RHBDL3: variants seen among roughly 807,000 people sequenced by gnomAD.
RHBDL3 encodes the protein rhomboid-related protein 3.
Under a neutral mutation model 48.2 loss-of-function variants are expected in RHBDL3, and 28 were observed. The observed-to-expected ratio is 0.58, with a 90% CI of 0.43 to 0.80. The LOEUF (loss-of-function observed/expected upper bound fraction) is 0.80, where lower values mean the gene tolerates loss of function less well. Ranked by LOEUF, RHBDL3 falls within the 30% of genes least tolerant of loss-of-function variation. The pLI, the probability that RHBDL3 is intolerant of heterozygous loss-of-function variation, is 0.00. For missense variants in RHBDL3, 464 were observed against 542.7 expected, an observed-to-expected ratio of 0.85 and a Z score of 1.44; for synonymous variants, 208 against 232.3, an observed-to-expected ratio of 0.90 and a Z score of 0.95.
rs563403864 is a variant in RHBDL3 at position 32,288,982 on chromosome 17, C to T, written c.485C>T (p.Pro162Leu). The change falls in exon 4 of 9, where the codon CCA (proline) becomes CTA (leucine). Residue 162 changes from proline (P) to leucine (L), a missense_variant. Transcript: ENST00000269051. ...TATGACAGCTACACCTGCTGCCCCC[C>T]ACCCTGGTTCATGATCACAGTCACG... ...WYYDSYTCCP[P>L]PWFMITVTLL... 20 of 1,614,190 alleles carry T rather than the reference C, an allele frequency of 1.2e-5. No homozygotes were observed. The highest frequency in any genetic ancestry group is 1.7e-5 in the Admixed American group (1 of 60,030).
chr17:32,297,168 C>T (rs2040470336), intron 5 of RHBDL3, among the ~76,000 whole-genome samples: 1 of 151,402 alleles, frequency 6.6e-6, no homozygotes, highest in Admixed American at 6.6e-5. Flanking sequence ...ATAGCTCTTA[C>T]AAATAGAGCC....
chr17:32,305,537 C>A, intron 7 of RHBDL3, 96 bp downstream of exon 7: 1 of 855,074 alleles, frequency 1.2e-6, no homozygotes, highest in Non-Finnish European at 2.0e-6. Flanking sequence ...CACCAAAAAC[C>A]AGGCAGACCT....
chr17:32,304,430 G>A (rs2040660222), intron 6 of RHBDL3, among the ~76,000 whole-genome samples: 2 of 152,172 alleles, frequency 1.3e-5, no homozygotes, highest in Non-Finnish European at 2.9e-5. Context: ...GCAGGCTTTG[G>A]TCAAGAACAC....
chr17:32,284,391 G>T, intron 2 of RHBDL3: 1 of 388,598 alleles, frequency 2.6e-6, no homozygotes, highest in South Asian at 4.8e-5. Flanking sequence ...TCTCCATGGT[G>T]AGAGGAGGCG....
At chr17:32,291,827 C>T (rs1249645142) in intron 4 of RHBDL3, among the ~76,000 whole-genome samples, 5 of 146,802 alleles carry the variant, frequency 3.4e-5, no homozygotes, top group African/African-American at 1.3e-4. Context: ...GCTGGAATGC[C>T]GTGGCGCAAT....
At chr17:32,309,762 C>A (rs1170504590) in intron 7 of RHBDL3, among the ~76,000 whole-genome samples, 1 of 143,540 alleles carries the variant, frequency 7.0e-6, no homozygotes, top group African/African-American at 2.6e-5. Context: ...GCCCTATAAT[C>A]AAGACTTCTT....
chr17:32,270,406 A>G (rs529624828), intron 2 of RHBDL3, among the ~76,000 whole-genome samples: 7 of 151,918 alleles, frequency 4.6e-5, no homozygotes, highest in African/African-American at 7.2e-5. Flanking sequence ...CAGTCCCTCC[A>G]TAATGTCTGG....
In RHBDL3 at chr17:32,279,519, C is replaced by T. The variant is rs1307882917; in HGVS notation, c.136-5140C>T. Among the ~76,000 whole-genome samples the T allele has an allele frequency of 2.0e-5, 3 of 152,178 alleles. No homozygotes were observed. The East Asian group carries it at 5.8e-4, about 29-fold the overall frequency. On this transcript the variant is annotated intron_variant, in intron 2 of 8. Transcript: ENST00000269051. ...CCCTCTCCCCAGTGTTGCCAGGCCC[C>T]TCTGACAGCACAGACCCAAATGACC...
chr17:32,296,331 C>CTTTTTTTTT (rs5819975), intron 5 of RHBDL3, among the ~76,000 whole-genome samples: 2 of 83,782 alleles, frequency 2.4e-5, no homozygotes, highest in Non-Finnish European at 4.7e-5. Context: ...GAATAGGTCT[C>CTTTTTTTTT]TTTTTTTTTT....
chr17:32,312,761 G>A (rs547937104), intron 7 of RHBDL3, among the ~76,000 whole-genome samples: 22 of 151,958 alleles, frequency 1.4e-4, no homozygotes, highest in Non-Finnish European at 2.6e-4. Context: ...CAAGTGATCC[G>A]CCTGCGTCAG....
chr17:32,279,713 C>T (rs1024833191), intron 2 of RHBDL3, among the ~76,000 whole-genome samples: 4 of 152,110 alleles, frequency 2.6e-5, no homozygotes, highest in Admixed American at 6.5e-5. Context: ...CTTATGTGCA[C>T]GGGGTGGGTG....
intron 4 of RHBDL3, among the ~76,000 whole-genome samples, chr17:32,291,772 T>TC (rs922784527): frequency 1.2e-5 from 1 of 84,442 alleles, no homozygotes; most frequent in African/African-American, 7.2e-5. Context: ...GAGATATTCC[T>TC]TTTTTTTTTT....
intron 3 of RHBDL3, among the ~76,000 whole-genome samples, chr17:32,287,270 G>C (rs1336161862): frequency 6.6e-6 from 1 of 152,132 alleles, no homozygotes; most frequent in Non-Finnish European, 1.5e-5. Flanking sequence ...CCCCTGTGCA[G>C]GTGCATCCTC....
rs1266643298 is a variant in RHBDL3, at chr17:32,323,808, C to G, written c.*2579C>G. On this transcript the variant is annotated 3_prime_UTR_variant, in exon 9 of 9. Transcript: ENST00000269051. The stretch of plus-strand genomic sequence containing the variant: ...CACCCACCTCCATCCCCTCTCCCAA[C>G]CATGACTTCCAAGCGGGGCCACAGG... 1 of 152,726 alleles carries G rather than the reference C, an allele frequency of 6.5e-6. No homozygotes were observed. Among genetic ancestry groups the G allele is most frequent in the Admixed American group, 6.5e-5 (1 of 15,276 alleles). 9.5% of individuals were successfully genotyped at this position (152,726 alleles called of 1,614,324 possible). A position where few individuals can be genotyped will look rare whatever the true frequency, so the allele number is the denominator to read the frequency against.
Position 32,297,966 on chromosome 17 carries a change from G to A in RHBDL3, c.669-126G>A, listed in dbSNP as rs959280329. ...CCTTCCCCTAGACCATGAGCTCCTC[G>A]CAGGCAGAGGTGGTCTTGTTCATTG... On this transcript the variant is annotated intron_variant, in intron 5 of 8. Transcript: ENST00000269051. 2.6e-5 allele frequency: 18 copies of A among 682,366 alleles called. No individual in the cohort carries two copies. In the Admixed American group the frequency reaches 2.7e-4, roughly 10 times the overall value. 42.3% of individuals were successfully genotyped at this position (682,366 alleles called of 1,614,324 possible).
chr17:32,316,144 T>C, intron 7 of RHBDL3, 88 bp from the exon 8 acceptor site: 4 of 924,532 alleles, frequency 4.3e-6, no homozygotes, highest in Non-Finnish European at 7.1e-6. Flanking sequence ...ACGGAGATCC[T>C]TATTTTAATG....
intron 2 of RHBDL3, chr17:32,280,247 G>C (rs772747969): frequency 6.6e-6 from 1 of 152,430 alleles, no homozygotes; most frequent in South Asian, 2.1e-4. Context: ...CGGCTGCCCC[G>C]ACCAGCCCCA....
chr17:32,314,921 G>A lies in RHBDL3; in HGVS notation c.883-1311G>A, dbSNP rs114759493. ...CCTAGCATGGAACATGTCGGCAAGC[G>A]AAGACAGGCTTTCCACCTAAAGCGG... On this transcript the variant is annotated intron_variant, in intron 7 of 8. Coordinates refer to ENST00000269051, the MANE Select transcript of RHBDL3 (RefSeq NM_138328.3). Among the ~76,000 whole-genome samples, 1,453 of 152,294 alleles carry A rather than the reference G, an allele frequency of 9.5e-3. 29 individuals carry two copies. Among genetic ancestry groups the A allele is most frequent in the African/African-American group, 0.033 (1,370 of 41,562 alleles).
intron 8 of RHBDL3, among the ~76,000 whole-genome samples, chr17:32,317,038 C>CT (rs1238975916): frequency 6.6e-6 from 1 of 151,452 alleles, no homozygotes; most frequent in East Asian, 1.9e-4. Flanking sequence ...CGCCCAGCTA[C>CT]TTTTTTGTAT....
Sources: allele counts gnomAD v4.1 joint callset (sites outside exome capture counted in the v4.1 genomes callset), GRCh38; gene constraint gnomAD v4.1.1; transcripts MANE v1.5; gene names NCBI Gene and HGNC (gene_info 2026-07-23, HGNC 2026-07-21).